ARFGAP3: variants seen among roughly 807,000 people sequenced by gnomAD.
The protein encoded by ARFGAP3 is ARF GTPase activating protein 3, also known as ADP-ribosylation factor GTPase-activating protein 3.
In ARFGAP3, 72 loss-of-function variants were observed where a neutral mutation model predicts 75.0. The ratio of observed to expected loss-of-function variants is 0.96; its 90% CI spans 0.79 to 1.17. The LOEUF (loss-of-function observed/expected upper bound fraction) is 1.17. Ranked by LOEUF, ARFGAP3 falls within the 50% of genes most tolerant of loss-of-function variation. The pLI is 0.00. For synonymous variants in ARFGAP3, 221 were observed against 217.9 expected (o/e 1.01, Z -0.13); for missense variants, 620 against 626.6 (o/e 0.99, Z 0.11).
intron 1 of ARFGAP3, among the ~76,000 whole-genome samples, chr22:42,851,645 T>C (rs1927281787): frequency 6.6e-6 from 1 of 152,186 alleles, no homozygotes; most frequent in Non-Finnish European, 1.5e-5. Context: ...AATGCTGCCT[T>C]GATCCTCCTG....
chr22:42,806,519 C>T (rs1925131013), intron 14 of ARFGAP3, among the ~76,000 whole-genome samples: 1 of 152,256 alleles, frequency 6.6e-6, no homozygotes. Flanking sequence ...GTTCTGTCTT[C>T]CCCAGAAGAC....
chr22:42,804,463 C>T (rs1444619244), intron 14 of ARFGAP3, among the ~76,000 whole-genome samples: 1 of 144,596 alleles, frequency 6.9e-6, no homozygotes, highest in Non-Finnish European at 1.5e-5. Flanking sequence ...CACACTGCAA[C>T]TCCCACCTCC....
chr22:42,856,356 AGCCCAC>A (rs919287881), intron 1 of ARFGAP3, among the ~76,000 whole-genome samples: 1 of 152,140 alleles, frequency 6.6e-6, no homozygotes. Flanking sequence ...GGGCGGGGAG[AGCCCAC>A]GCTGACGCGA....
chr22:42,804,532 C>A (rs1377828035), intron 14 of ARFGAP3, among the ~76,000 whole-genome samples: 1 of 152,090 alleles, frequency 6.6e-6, no homozygotes, highest in African/African-American at 2.4e-5. Flanking sequence ...CAGGCACATG[C>A]CACCACGCCA....
intron 14 of ARFGAP3, among the ~76,000 whole-genome samples, chr22:42,802,089 G>A (rs1276714802): frequency 1.3e-5 from 2 of 152,104 alleles, no homozygotes; most frequent in African/African-American, 2.4e-5. Flanking sequence ...ACAGATGACT[G>A]TGTTCTGAAA....
intron 5 of ARFGAP3, 95 bp from the exon 6 acceptor site, chr22:42,831,731 G>A: frequency 1.3e-6 from 2 of 1,566,308 alleles, no homozygotes; most frequent in Non-Finnish European, 1.7e-6. Context: ...AATTTAAACA[G>A]CCACATTCTG....
chr22:42,813,646 C>G (rs998396992), intron 11 of ARFGAP3, among the ~76,000 whole-genome samples: 2 of 152,222 alleles, frequency 1.3e-5, no homozygotes, highest in Non-Finnish European at 2.9e-5. Context: ...CATGCGTGGG[C>G]TGGCTGGCGG....
Position 42,807,114 on chromosome 22 carries a change from C to G in ARFGAP3, c.1370G>C (p.Ser457Thr). ...CGGCTCCTCGAACAGATCAGCCGAG[C>G]TTATGGAGGAACTTGCCGACAGCCT... ...LERLSASSSI[S>T]SADLFEEPRK... is the part of the protein sequence containing the mutation. Residue 457 changes from serine to threonine, a missense_variant, in exon 14 of 16, where the codon AGC becomes ACC. Physicochemically the swap from Ser to Thr is moderately conservative, Grantham distance 58 (BLOSUM62 1). Coordinates refer to ENST00000263245, the MANE Select transcript of ARFGAP3 (RefSeq NM_014570.5). The G allele has an allele frequency of 1.2e-6, 2 of 1,612,942 alleles. No individual in the cohort carries two copies. The highest frequency in any genetic ancestry group is 2.7e-5 in the African/African-American group (2 of 75,038).
At chr22:42,820,030 T>G (rs1925743464) in intron 9 of ARFGAP3, among the ~76,000 whole-genome samples, 1 of 152,208 alleles carries the variant, frequency 6.6e-6, no homozygotes, top group Admixed American at 6.5e-5. Flanking sequence ...CTTCCTGTTT[T>G]CAGGAAGATT....
rs879209324 is a variant in ARFGAP3 at position 42,810,879 on chromosome 22, G to A, written c.1130C>T (p.Ser377Phe). ...SFSSWDDSSD[S>F]YWKKETSKDT... The stretch of plus-strand genomic sequence containing the variant: ...TTTGCTGGTCTCTTTTTTCCAATAG[G>A]AATCTGAACTGTCATCCCAGCTAGA... The change falls in exon 12 of 16, where the codon TCC becomes TTC. Residue 377 changes from serine to phenylalanine, a missense_variant. Coordinates refer to ENST00000263245, the MANE Select transcript of ARFGAP3 (RefSeq NM_014570.5). 1 of 1,614,044 alleles carries A rather than the reference G, an allele frequency of 6.2e-7. No individual in the cohort carries two copies. The highest frequency in any genetic ancestry group is 8.5e-7 in the Non-Finnish European group (1 of 1,180,002).
At chr22:42,824,731 T>C (rs1283620962) in intron 7 of ARFGAP3, among the ~76,000 whole-genome samples, 2 of 152,138 alleles carry the variant, frequency 1.3e-5, no homozygotes, top group African/African-American at 2.4e-5. Context: ...ACGTGCAGTT[T>C]TGTTACAAGG....
Position 42,826,984 on chromosome 22 carries a change from C to T in ARFGAP3, c.581G>A (p.Gly194Glu). ...TACATTAAGACCTTCCACACTTGGT[C>T]CTTGCTCTTGTCCACCTGAAAATTC... is the stretch of plus-strand genomic sequence containing the variant. ...LENNEGGQEQ[G>E]PSVEGLNVPT... The change falls in exon 7 of 16, where the codon GGA (glycine) becomes GAA (glutamate). Residue 194 changes from glycine (G) to glutamate (E), a missense_variant. Transcript: ENST00000263245. 1.2e-6 allele frequency: 2 copies of T among 1,613,444 alleles called. No homozygotes were observed. The highest frequency in any genetic ancestry group is 1.7e-6 in the Non-Finnish European group (2 of 1,179,848).
At chr22:42,839,696 CCA>C (rs1212914916) in intron 3 of ARFGAP3, among the ~76,000 whole-genome samples, 2 of 152,002 alleles carry the variant, frequency 1.3e-5, no homozygotes. Context: ...AAAAGTCACC[CCA>C]GTTATTAAAA....
chr22:42,834,460 C>T, intron 4 of ARFGAP3, 135 bp from the exon 5 acceptor site: 1 of 1,446,586 alleles, frequency 6.9e-7, no homozygotes, highest in Non-Finnish European at 9.1e-7. Context: ...CAGTAACATC[C>T]CTACAGAGGA....
At chr22:42,801,055 G>T (rs976031354) in intron 14 of ARFGAP3, among the ~76,000 whole-genome samples, 1 of 151,996 alleles carries the variant, frequency 6.6e-6, no homozygotes, top group East Asian at 1.9e-4. Context: ...TGTGTCATCT[G>T]GAGGGGACAC....
At chr22:42,798,021 C>A (rs1194646916) in intron 15 of ARFGAP3, among the ~76,000 whole-genome samples, 1 of 152,190 alleles carries the variant, frequency 6.6e-6, no homozygotes, top group African/African-American at 2.4e-5. Context: ...AGTGACCTAA[C>A]CTTCTGTGCC....
intron 1 of ARFGAP3, among the ~76,000 whole-genome samples, chr22:42,850,455 C>T (rs1459979311): frequency 6.7e-6 from 1 of 150,252 alleles, no homozygotes; most frequent in African/African-American, 2.4e-5. Context: ...TGCCTGTAGT[C>T]TCAGCTACTC....
At chr22:42,819,765 C>T (rs1030588365) in intron 9 of ARFGAP3, among the ~76,000 whole-genome samples, 1 of 152,180 alleles carries the variant, frequency 6.6e-6, no homozygotes, top group Non-Finnish European at 1.5e-5. Flanking sequence ...GCCGAAATAA[C>T]TTTATTTACA....
chr22:42,844,317 GCTCATGCCTGTAAA>G (rs1926913201), intron 2 of ARFGAP3, among the ~76,000 whole-genome samples: 1 of 152,070 alleles, frequency 6.6e-6, no homozygotes, highest in African/African-American at 2.4e-5. Flanking sequence ...AGGTGCTGTG[GCTCATGCCTGTAAA>G]CCCAGCACTT....
Sources: gnomAD v4.1 joint callset for allele counts (sites outside exome capture counted in the v4.1 genomes callset) on GRCh38, gnomAD v4.1.1 for gene constraint, MANE v1.5 for transcripts, NCBI Gene and HGNC (gene_info 2026-07-23, HGNC 2026-07-21) for gene names.